Variants in ARPC1A observed in about 807,000 individuals in gnomAD.
The protein encoded by ARPC1A is actin-related protein 2/3 complex subunit 1A.
A neutral mutation model predicts 46.9 loss-of-function variants in ARPC1A; 8 were observed. That is an observed-to-expected ratio of 0.17 (90% CI 0.10 to 0.31). The LOEUF (loss-of-function observed/expected upper bound fraction) is 0.31, where lower values mean the gene tolerates loss of function less well. Ranked by LOEUF, ARPC1A falls within the 10% of genes least tolerant of loss-of-function variation. The probability of loss-of-function intolerance (pLI) is 1.00; values close to 1 mark genes in which losing one functional copy is unlikely to be tolerated. For missense variants in ARPC1A, 286 were observed against 483.6 expected, an observed-to-expected ratio of 0.59 and a Z score of 3.83; for synonymous variants, 152 against 169.0, an observed-to-expected ratio of 0.90 and a Z score of 0.78.
chr7:99,352,147 C>T lies in ARPC1A; in HGVS notation c.501-1762C>T, dbSNP rs73710440. Among the ~76,000 whole-genome samples, 1,452 of 152,284 alleles carry T rather than the reference C, an allele frequency of 9.5e-3. 18 individuals are homozygous for T. The highest frequency in any genetic ancestry group is 0.033 in the African/African-American group (1,378 of 41,552). ...ATAGTTTCTGCTCTCCCACCATTGA[C>T]TGCGCAGGCTTCCTGGAGTACTGTG... On this transcript the variant is annotated intron_variant, in intron 5 of 9. Coordinates refer to ENST00000262942, the MANE Select transcript of ARPC1A (RefSeq NM_006409.4).
intron 1 of ARPC1A, among the ~76,000 whole-genome samples, chr7:99,331,918 C>CA (rs1450136071): frequency 4.0e-5 from 6 of 151,618 alleles, no homozygotes; most frequent in East Asian, 1.9e-4. Context: ...GACTCTGTCT[C>CA]AAAAAAAAGA....
At chr7:99,359,024 G>A (rs1468045264) in intron 7 of ARPC1A, among the ~76,000 whole-genome samples, 1 of 149,794 alleles carries the variant, frequency 6.7e-6, no homozygotes, top group Non-Finnish European at 1.5e-5. Context: ...GTAGAGATGG[G>A]GTTTCACCAT....
intron 3 of ARPC1A, among the ~76,000 whole-genome samples, chr7:99,342,209 T>G (rs1183995426): frequency 2.0e-5 from 3 of 152,124 alleles, no homozygotes; most frequent in Non-Finnish European, 4.4e-5. Context: ...TCCCAGACAT[T>G]ATATTGTTTC....
intron 7 of ARPC1A, 105 bp downstream of exon 7, chr7:99,358,520 G>GA: frequency 1.5e-6 from 1 of 660,804 alleles, no homozygotes; most frequent in Non-Finnish European, 2.4e-6. Flanking sequence ...CAGTTTTTTA[G>GA]AAGAAACAGA....
At position 99,353,897 on chromosome 7, in the gene ARPC1A, C is replaced by G; in HGVS notation, c.501-12C>G. The G allele has an allele frequency of 6.2e-7, 1 of 1,612,226 alleles. No homozygotes were observed. The highest frequency in any genetic ancestry group is 1.1e-5 in the South Asian group (1 of 90,966). On this transcript the variant is annotated splice_polypyrimidine_tract_variant and intron_variant, in intron 5 of 9. Transcript: ENST00000262942. Reference sequence around the variant, plus strand: ...CATTTGCTTTTTCCTTTTCTCTCTGCCCTTTAAACAGAGTGTTTTCTGCCT... The same window carrying G: ...CATTTGCTTTTTCCTTTTCTCTCTGGCCTTTAAACAGAGTGTTTTCTGCCT...
intron 6 of ARPC1A, among the ~76,000 whole-genome samples, chr7:99,357,214 C>T (rs76330350): frequency 0.052 from 7,979 of 152,214 alleles, 293 homozygotes; most frequent in Middle Eastern, 0.13. Flanking sequence ...AGTCAGATTA[C>T]ATGCTCCACC....
intron 3 of ARPC1A, among the ~76,000 whole-genome samples, chr7:99,340,538 G>T (rs1793340406): frequency 6.6e-6 from 1 of 152,096 alleles, no homozygotes; most frequent in African/African-American, 2.4e-5. Context: ...AACCTCTTGG[G>T]CTCAAGTGAT....
chr7:99,353,863 A>G lies in ARPC1A; in HGVS notation c.501-46A>G, dbSNP rs747109903. 8.3e-6 allele frequency: 13 copies of G among 1,574,994 alleles called. No homozygotes were observed. In the East Asian group the frequency reaches 2.5e-4, roughly 30 times the overall value. On this transcript the variant is annotated intron_variant, in intron 5 of 9. Transcript: ENST00000262942. ...CTGCCTATGGCCTGTTTCTATATAC[A>G]TATATTTTCATTTGCTTTTTCCTTT...
At chr7:99,329,571 G>C (rs1032169163) in intron 1 of ARPC1A, among the ~76,000 whole-genome samples, 2 of 152,224 alleles carry the variant, frequency 1.3e-5, no homozygotes, top group African/African-American at 4.8e-5. Flanking sequence ...TGACAAACAT[G>C]AGTGTTGTCT....
chr7:99,360,888 C>T (rs915749436), intron 8 of ARPC1A, among the ~76,000 whole-genome samples: 5 of 147,304 alleles, frequency 3.4e-5, no homozygotes, highest in African/African-American at 1.3e-4. Flanking sequence ...TTGCAGTGAG[C>T]CAAGATTGAG....
intron 2 of ARPC1A, among the ~76,000 whole-genome samples, chr7:99,337,803 A>G (rs898241626): frequency 6.6e-6 from 1 of 152,232 alleles, no homozygotes; most frequent in Non-Finnish European, 1.5e-5. Context: ...AAAGACAAAC[A>G]GAAATTTAGA....
intron 1 of ARPC1A, among the ~76,000 whole-genome samples, chr7:99,328,777 CCT>C (rs1011967432): frequency 1.3e-5 from 2 of 151,992 alleles, no homozygotes; most frequent in African/African-American, 4.8e-5. Context: ...TAGGGAGACC[CCT>C]GTCTTTACAA....
chr7:99,332,198 G>T (rs1208528733), intron 1 of ARPC1A, among the ~76,000 whole-genome samples: 1 of 152,214 alleles, frequency 6.6e-6, no homozygotes, highest in African/African-American at 2.4e-5. Context: ...TTGGTAGGTT[G>T]ACCATATTCC....
At position 99,365,974 on chromosome 7, in the gene ARPC1A, C is replaced by A; in HGVS notation, c.*45C>A. 6.5e-7 allele frequency: 1 copy of A among 1,549,532 alleles called. No individual in the cohort carries two copies. The highest frequency in any genetic ancestry group is 8.7e-7 in the Non-Finnish European group (1 of 1,143,300). On this transcript the variant is annotated 3_prime_UTR_variant, in exon 10 of 10. Coordinates refer to ENST00000262942, the MANE Select transcript of ARPC1A (RefSeq NM_006409.4). The stretch of plus-strand genomic sequence containing the variant: ...ATCCAGCATGACAAACTGTGGCCGA[C>A]CGCAGCTGTGCCGTGGCACGATGGC...
At position 99,363,647 on chromosome 7, in the gene ARPC1A, A is replaced by G; in HGVS notation, c.1074+14A>G. 1 of 1,578,278 alleles carries G rather than the reference A, an allele frequency of 6.3e-7. No homozygotes were observed. The highest frequency in any genetic ancestry group is 8.6e-7 in the Non-Finnish European group (1 of 1,165,886). ...TGGGATTTCAAGGTATTTTCTACCT[A>G]ACAGAACAAATTTTGTTTGTGTTAA... On this transcript the variant is annotated intron_variant, in intron 9 of 9. Transcript: ENST00000262942.
At chr7:99,360,808 G>T (rs1173244302) in intron 8 of ARPC1A, among the ~76,000 whole-genome samples, 1 of 151,958 alleles carries the variant, frequency 6.6e-6, no homozygotes, top group Non-Finnish European at 1.5e-5. Flanking sequence ...TGGCATGGTG[G>T]TACACACCTG....
intron 3 of ARPC1A, among the ~76,000 whole-genome samples, chr7:99,343,057 C>T (rs1793381117): frequency 6.6e-6 from 1 of 151,864 alleles, no homozygotes; most frequent in African/African-American, 2.4e-5. Context: ...GTATATTTGT[C>T]TTTTTTCCAT....
At chr7:99,344,568 C>T (rs1793408772) in intron 4 of ARPC1A, 53 bp downstream of exon 4, 7 of 1,568,150 alleles carry the variant, frequency 4.5e-6, no homozygotes, top group Non-Finnish European at 5.3e-6. Flanking sequence ...TACATTTGCA[C>T]TGCTGTGTGA....
chr7:99,362,648 G>GT lies in ARPC1A; in HGVS notation c.984-883dup, dbSNP rs1030997872. Among the ~76,000 whole-genome samples the GT allele has an allele frequency of 5.0e-3, 711 of 143,152 alleles. 3 individuals carry two copies. Among genetic ancestry groups the GT allele is most frequent in the Admixed American group, 7.4e-3 (105 of 14,282 alleles). 93.9% of individuals were successfully genotyped at this position (143,152 alleles called of 152,430 possible). On this transcript the variant is annotated intron_variant, in intron 8 of 9. Transcript: ENST00000262942. ...TGAGCCACTGCACCTGGCCTTTGTT[G>GT]TTTTTTTTTTTTATTTAAGCTCACA...
Sources: gnomAD v4.1 joint callset for allele counts (sites outside exome capture counted in the v4.1 genomes callset) on GRCh38, gnomAD v4.1.1 for gene constraint, MANE v1.5 for transcripts, NCBI Gene and HGNC (gene_info 2026-07-23, HGNC 2026-07-21) for gene names.